Variants in ASIC2 observed in about 807,000 individuals in gnomAD.
ASIC2 encodes the protein acid sensing ion channel subunit 2, also known as acid-sensing ion channel 2.
Under a neutral mutation model 57.3 loss-of-function variants are expected in ASIC2, and 25 were observed. The ratio of observed to expected loss-of-function variants is 0.44; its 90% CI spans 0.32 to 0.61. The LOEUF (loss-of-function observed/expected upper bound fraction) is 0.61. Ranked by LOEUF, ASIC2 falls within the 20% of genes least tolerant of loss-of-function variation. The probability of loss-of-function intolerance (pLI) is 0.06; values close to 1 mark genes in which losing one functional copy is unlikely to be tolerated. For synonymous variants in ASIC2, 319 were observed against 307.5 expected (o/e 1.04, Z -0.39); for missense variants, 641 against 738.1 (o/e 0.87, Z 1.52).
chr17:33,292,276 C>CCCGGCG lies in ASIC2; in HGVS notation c.-167_-162dup. ...GAGCTCCGGTGGCGCGGCATGCCCG[C>CCCGGCG]CCGGCGCCGCCGCTGCCGCCTCCGC... On this transcript the variant is annotated 5_prime_UTR_variant, in exon 1 of 10. Coordinates refer to ENST00000225823, the MANE Select transcript of ASIC2 (RefSeq NM_183377.2). 1 of 990,000 alleles carries CCCGGCG rather than the reference C, an allele frequency of 1.0e-6. No homozygotes were observed. Among genetic ancestry groups the CCCGGCG allele is most frequent in the Non-Finnish European group, 1.2e-6 (1 of 834,194 alleles). 61.3% of individuals were successfully genotyped at this position (990,000 alleles called of 1,614,324 possible). A position where few individuals can be genotyped will look rare whatever the true frequency, so the allele number is the denominator to read the frequency against.
rs555654913 is a variant in ASIC2 at position 33,731,913 on chromosome 17, A to G, written c.555+424065T>C. Among the ~76,000 whole-genome samples, 11 of 152,304 alleles carry G rather than the reference A, an allele frequency of 7.2e-5. No individual in the cohort carries two copies. The South Asian group carries it at 1.9e-3, about 26-fold the overall frequency. On this transcript the variant is annotated intron_variant, in intron 1 of 9. Coordinates refer to the ASIC2 transcript ENST00000359872. Reference sequence around the variant, plus strand: ...GTGGGGTTGGGGGAGCTGTTGTGATATGTGTACCCAACAGGGGAGGGCTAG... The same window carrying G: ...GTGGGGTTGGGGGAGCTGTTGTGATGTGTGTACCCAACAGGGGAGGGCTAG...
chr17:33,292,090 A>G lies in ASIC2; in HGVS notation c.26T>C (p.Leu9Pro). 9.5e-7 allele frequency: 1 copy of G among 1,047,294 alleles called. No homozygotes were observed. Among genetic ancestry groups the G allele is most frequent in the Non-Finnish European group, 1.1e-6 (1 of 873,482 alleles). The allele number at this position is 1,047,294 out of a possible 1,614,324, so 64.9% of individuals were successfully genotyped here. MSRIGGAG[L>P]PAAALTGPGR... Reference sequence around the variant, plus strand: ...CGGGCCGGTGAGCGCGGCTGCGGGCAGCCCGGCTCCGCCAATCCGGCTCAT... The same window carrying G: ...CGGGCCGGTGAGCGCGGCTGCGGGCGGCCCGGCTCCGCCAATCCGGCTCAT... Residue 9 changes from leucine (L) to proline (P), a missense_variant, in exon 1 of 10, where the codon CTG (leucine) becomes CCG (proline). Leu to Pro is a moderately conservative substitution (Grantham distance 98). Transcript: ENST00000225823.
At chr17:33,805,183 TTCG>T (rs1912235157) in intron 1 of ASIC2, among the ~76,000 whole-genome samples, 1 of 152,212 alleles carries the variant, frequency 6.6e-6, no homozygotes, top group Admixed American at 6.5e-5. Context: ...ATTCTTCCTC[TTCG>T]TCTAACTCTT....
intron 1 of ASIC2, among the ~76,000 whole-genome samples, chr17:33,316,036 C>T (rs1055403015): frequency 2.0e-5 from 3 of 152,144 alleles, no homozygotes; most frequent in Non-Finnish European, 2.9e-5. Context: ...TGTAAAACAC[C>T]GAGCTTGGAG....
intron 1 of ASIC2, among the ~76,000 whole-genome samples, chr17:33,493,385 C>A (rs893404755): frequency 6.6e-6 from 1 of 152,204 alleles, no homozygotes; most frequent in African/African-American, 2.4e-5. Context: ...ACGCTTCACC[C>A]AGTTTCCCCC....
intron 1 of ASIC2, among the ~76,000 whole-genome samples, chr17:33,706,929 G>A (rs867861333): frequency 1.6e-4 from 25 of 152,184 alleles, no homozygotes; most frequent in Middle Eastern, 3.4e-3. Context: ...CTCTTTCTTC[G>A]TTGTGCCTCA....
intron 1 of ASIC2, among the ~76,000 whole-genome samples, chr17:33,184,803 G>A (rs1452265111): frequency 6.6e-6 from 1 of 152,060 alleles, no homozygotes; most frequent in South Asian, 2.1e-4. Context: ...GTAAATTTAG[G>A]GCAGTAAAAG....
chr17:33,781,170 G>A (rs928293250), intron 1 of ASIC2, among the ~76,000 whole-genome samples: 7 of 152,176 alleles, frequency 4.6e-5, no homozygotes, highest in African/African-American at 1.4e-4. Flanking sequence ...AAGTGCCCGC[G>A]TTTAATGTTT....
chr17:34,010,451 T>C (rs980436420), intron 1 of ASIC2, among the ~76,000 whole-genome samples: 1 of 152,222 alleles, frequency 6.6e-6, no homozygotes. Flanking sequence ...AAAGTGCAGC[T>C]GATTCTGTCC....
At chr17:33,678,160 CT>C (rs1907885364) in intron 1 of ASIC2, among the ~76,000 whole-genome samples, 1 of 152,128 alleles carries the variant, frequency 6.6e-6, no homozygotes, top group Non-Finnish European at 1.5e-5. Context: ...ATCATCAGCA[CT>C]TTTTAGCAAT....
At chr17:33,803,594 T>C (rs1054375168) in intron 1 of ASIC2, among the ~76,000 whole-genome samples, 202 of 150,530 alleles carry the variant, frequency 1.3e-3, no homozygotes, top group African/African-American at 4.5e-3. Flanking sequence ...TTCTTTTTTT[T>C]TTTTTTTTTT....
intron 1 of ASIC2, among the ~76,000 whole-genome samples, chr17:33,476,523 A>G (rs1322769607): frequency 8.5e-6 from 1 of 117,150 alleles, no homozygotes; most frequent in East Asian, 2.3e-4. Context: ...ATATATATAT[A>G]TATATATATA....
chr17:34,057,946 C>G (rs1908829525), intron 1 of ASIC2, among the ~76,000 whole-genome samples: 1 of 152,148 alleles, frequency 6.6e-6, no homozygotes. Flanking sequence ...TAACAAACCT[C>G]CAAGAGCCCA....
At chr17:34,034,211 G>A (rs1009035899) in intron 1 of ASIC2, among the ~76,000 whole-genome samples, 5 of 152,112 alleles carry the variant, frequency 3.3e-5, no homozygotes, top group Non-Finnish European at 5.9e-5. Context: ...TTCAACATAT[G>A]CAAATCAATA....
intron 3 of ASIC2, among the ~76,000 whole-genome samples, chr17:33,043,777 C>T (rs1008075169): frequency 3.9e-5 from 6 of 152,162 alleles, no homozygotes; most frequent in African/African-American, 9.7e-5. Context: ...CCCTGACTGG[C>T]GTTTGGACAA....
intron 1 of ASIC2, among the ~76,000 whole-genome samples, chr17:33,228,519 C>T (rs1403749913): frequency 1.3e-5 from 2 of 152,218 alleles, no homozygotes; most frequent in African/African-American, 4.8e-5. Flanking sequence ...GAGTGCGTGA[C>T]ATCCATGAGA....
intron 1 of ASIC2, among the ~76,000 whole-genome samples, chr17:33,734,858 G>T (rs546236841): frequency 8.7e-4 from 133 of 152,244 alleles, no homozygotes; most frequent in African/African-American, 3.2e-3. Context: ...CCAGTCTCCA[G>T]AACTATGAGA....
chr17:34,128,177 G>T (rs1293204230), intron 1 of ASIC2, among the ~76,000 whole-genome samples: 1 of 152,190 alleles, frequency 6.6e-6, no homozygotes, highest in African/African-American at 2.4e-5. Flanking sequence ...CCAGGTCATG[G>T]GTGTGAATAA....
chr17:34,112,921 T>C (rs1289993588), intron 1 of ASIC2, among the ~76,000 whole-genome samples: 1 of 152,152 alleles, frequency 6.6e-6, no homozygotes, highest in Non-Finnish European at 1.5e-5. Context: ...TTGGGTTGCG[T>C]CAATCATGTC....
Sources: gnomAD v4.1 joint callset for allele counts (sites outside exome capture counted in the v4.1 genomes callset) on GRCh38, gnomAD v4.1.1 for gene constraint, MANE v1.5 for transcripts, NCBI Gene and HGNC (gene_info 2026-07-23, HGNC 2026-07-21) for gene names.